XYLT1: variants seen among roughly 807,000 people sequenced by gnomAD.
The protein encoded by XYLT1 is beta-D-xylosyltransferase 1.
XYLT1 carries 36 observed loss-of-function variants against 91.3 expected under a neutral mutation model. The observed-to-expected ratio is 0.39, with a 90% CI of 0.30 to 0.52. XYLT1 has a LOEUF of 0.52. Ranked by LOEUF, XYLT1 falls within the 20% of genes least tolerant of loss-of-function variation. The probability of loss-of-function intolerance (pLI) is 0.68; values close to 1 mark genes in which losing one functional copy is unlikely to be tolerated. For missense variants in XYLT1, 1,242 were observed against 1,284.5 expected (o/e 0.97, Z 0.51); for synonymous variants, 588 against 532.0 (o/e 1.11, Z -1.45).
chr16:17,292,266 T>C lies in XYLT1; in HGVS notation c.403-32768A>G, dbSNP rs374895800. ...AGAGATATGACCTCTGTCTCTGAGC[T>C]TATGAGACATGTGAGAGATATGAAT... On this transcript the variant is annotated intron_variant, in intron 2 of 11. Transcript: ENST00000261381. Among the ~76,000 whole-genome samples the C allele has an allele frequency of 5.3e-5, 8 of 152,160 alleles. No homozygotes were observed. In the South Asian group the frequency reaches 1.2e-3, roughly 24 times the overall value.
At chr16:17,463,009 T>C (rs908692042) in intron 1 of XYLT1, among the ~76,000 whole-genome samples, 1 of 152,108 alleles carries the variant, frequency 6.6e-6, no homozygotes, top group Non-Finnish European at 1.5e-5. Context: ...AAAAACGGGA[T>C]AGCCATTACC....
intron 3 of XYLT1, among the ~76,000 whole-genome samples, chr16:17,208,684 T>C (rs1398446731): frequency 6.6e-6 from 1 of 152,210 alleles, no homozygotes; most frequent in Non-Finnish European, 1.5e-5. Context: ...TTTTGGATTT[T>C]TGAATTAAGG....
In XYLT1 at chr16:17,464,396, G is replaced by T. The variant is rs574409258; in HGVS notation, c.363+6038C>A. 2.6e-5 allele frequency among the ~76,000 whole-genome samples: 4 copies of T among 151,712 alleles called. No homozygotes were observed. In the South Asian group the frequency reaches 8.4e-4, roughly 32 times the overall value. On this transcript the variant is annotated intron_variant, in intron 1 of 11. Coordinates refer to ENST00000261381, the MANE Select transcript of XYLT1 (RefSeq NM_022166.4). ...AATCCCAGCTAATCAGGAGGCTGAG[G>T]CAGGAGAATTGCTTGAACCTGAGAG...
rs554561346 is a variant in XYLT1 at position 17,347,745 on chromosome 16, G to A, written c.402+10267C>T. Among the ~76,000 whole-genome samples the A allele has an allele frequency of 9.2e-5, 14 of 152,292 alleles. No homozygotes were observed. The South Asian group carries it at 1.9e-3, about 20-fold the overall frequency. ...TGCTGAGCCAGCGAGGCGGGGGCCC[G>A]GTCAGGGTCCCTGAAGGAAAGAGAT... On this transcript the variant is annotated intron_variant, in intron 2 of 11. Coordinates refer to ENST00000261381, the MANE Select transcript of XYLT1 (RefSeq NM_022166.4).
intron 3 of XYLT1, among the ~76,000 whole-genome samples, chr16:17,253,900 A>G (rs1024426552): frequency 2.0e-5 from 3 of 151,788 alleles, no homozygotes; most frequent in African/African-American, 7.3e-5. Context: ...GGGGCTTGAC[A>G]ATGTGAGATA....
At chr16:17,319,760 G>A (rs1309656798) in intron 2 of XYLT1, among the ~76,000 whole-genome samples, 4 of 152,130 alleles carry the variant, frequency 2.6e-5, no homozygotes, top group Non-Finnish European at 5.9e-5. Flanking sequence ...CTCATATCAA[G>A]ATACCAAGCC....
At chr16:17,232,800 T>C (rs769477098) in intron 3 of XYLT1, among the ~76,000 whole-genome samples, 19 of 151,996 alleles carry the variant, frequency 1.3e-4, no homozygotes, top group Non-Finnish European at 1.3e-4. Context: ...GCCTTCGTCA[T>C]GGTGTTGGTG....
At chr16:17,215,873 G>A (rs1429634436) in intron 3 of XYLT1, among the ~76,000 whole-genome samples, 2 of 152,122 alleles carry the variant, frequency 1.3e-5, no homozygotes, top group African/African-American at 4.8e-5. Context: ...ATCACACAGG[G>A]TCTTGGGTAC....
rs556532282 is a variant in XYLT1, at chr16:17,422,014, G to A, written c.363+48420C>T. Among the ~76,000 whole-genome samples, 5 of 151,908 alleles carry A rather than the reference G, an allele frequency of 3.3e-5. No individual in the cohort carries two copies. In the South Asian group the frequency reaches 6.3e-4, roughly 19 times the overall value. ...AGCTTTTTTTTTGAGACGGAGTCTT[G>A]CTTTGTCACCCAGGCTGGAGTGCAA... is the stretch of plus-strand genomic sequence containing the variant. On this transcript the variant is annotated intron_variant, in intron 1 of 11. Transcript: ENST00000261381.
intron 2 of XYLT1, among the ~76,000 whole-genome samples, chr16:17,330,541 C>T (rs1021895809): frequency 6.6e-6 from 1 of 152,146 alleles, no homozygotes; most frequent in African/African-American, 2.4e-5. Context: ...AATCCTAGCA[C>T]TTTGGGAGGC....
chr16:17,392,959 C>T (rs968513029), intron 1 of XYLT1, among the ~76,000 whole-genome samples: 3 of 152,148 alleles, frequency 2.0e-5, no homozygotes, highest in South Asian at 2.1e-4. Flanking sequence ...GATGTGGGTT[C>T]GGTAAGAGTT....
intron 2 of XYLT1, among the ~76,000 whole-genome samples, chr16:17,348,976 C>G (rs1158895957): frequency 6.6e-6 from 1 of 152,246 alleles, no homozygotes; most frequent in African/African-American, 2.4e-5. Context: ...GCAAAACCAG[C>G]CACACTGCCT....
At chr16:17,448,805 G>A (rs765657853) in intron 1 of XYLT1, among the ~76,000 whole-genome samples, 1 of 152,068 alleles carries the variant, frequency 6.6e-6, no homozygotes, top group Non-Finnish European at 1.5e-5. Context: ...ATGTTATGGT[G>A]CTTAATACAG....
intron 1 of XYLT1, among the ~76,000 whole-genome samples, chr16:17,410,756 C>A (rs2036097842): frequency 6.6e-6 from 1 of 151,462 alleles, no homozygotes; most frequent in South Asian, 2.1e-4. Context: ...GATTATCCTG[C>A]CTCAGCCTCC....
intron 1 of XYLT1, among the ~76,000 whole-genome samples, chr16:17,459,097 C>T (rs551609601): frequency 2.6e-5 from 4 of 152,226 alleles, no homozygotes; most frequent in Non-Finnish European, 5.9e-5. Flanking sequence ...GTGAGCCAGA[C>T]GTGGTGGCTC....
At chr16:17,162,970 AC>A (rs1343855788) in intron 5 of XYLT1, among the ~76,000 whole-genome samples, 1 of 152,240 alleles carries the variant, frequency 6.6e-6, no homozygotes, top group Non-Finnish European at 1.5e-5. Context: ...AAAACAATGC[AC>A]CTAATATCTG....
intron 3 of XYLT1, among the ~76,000 whole-genome samples, chr16:17,215,025 G>A (rs1396309514): frequency 3.3e-5 from 5 of 152,144 alleles, no homozygotes; most frequent in East Asian, 1.9e-4. Flanking sequence ...TCCTGTGACC[G>A]TATTGGAGAT....
At position 17,311,368 on chromosome 16, in the gene XYLT1, C is replaced by T. The variant is rs540366427; in HGVS notation, c.402+46644G>A. Among the ~76,000 whole-genome samples, 5 of 152,300 alleles carry T rather than the reference C, an allele frequency of 3.3e-5. No homozygotes were observed. The South Asian group carries it at 1.0e-3, about 32-fold the overall frequency. On this transcript the variant is annotated intron_variant, in intron 2 of 11. Transcript: ENST00000261381. ...TGCTCATGGGCTTCAGTAGCCTGCT[C>T]ATCAGAATCATCTGGAAGATTTGTT... is the stretch of plus-strand genomic sequence containing the variant.
chr16:17,335,882 A>T (rs2034972791), intron 2 of XYLT1, among the ~76,000 whole-genome samples: 1 of 152,220 alleles, frequency 6.6e-6, no homozygotes, highest in African/African-American at 2.4e-5. Flanking sequence ...AATTTGCTAT[A>T]AATGGAAGGT....
Sources: allele counts gnomAD v4.1 joint callset (sites outside exome capture counted in the v4.1 genomes callset), GRCh38; gene constraint gnomAD v4.1.1; transcripts MANE v1.5; gene names NCBI Gene and HGNC (gene_info 2026-07-23, HGNC 2026-07-21).